The following MED12 variants were observed in gnomAD, a reference collection of about 807,000 sequenced individuals.
The protein encoded by MED12 is mediator of RNA polymerase II transcription subunit 12.
In MED12, 10 loss-of-function variants were observed where a neutral mutation model predicts 177.7. The ratio of observed to expected loss-of-function variants is 0.06; its 90% CI spans 0.03 to 0.10. The LOEUF is 0.10. Ranked by LOEUF, MED12 falls within the 10% of genes least tolerant of loss-of-function variation. The probability of loss-of-function intolerance (pLI) is 1.00; values close to 1 mark genes in which losing one functional copy is unlikely to be tolerated. For synonymous variants in MED12, 641 were observed against 678.4 expected (o/e 0.94, Z 0.86); for missense variants, 867 against 1,780.8 (o/e 0.49, Z 9.23).
At chrX:71,124,884 G>C (rs1205797244) in intron 14 of MED12, 40 bp downstream of exon 14, 2 of 1,187,798 alleles carry the variant, frequency 1.7e-6, no homozygotes, top group Non-Finnish European at 2.3e-6. Context: ...TGGATCCTTG[G>C]ATCTTCCCAT....
At chrX:71,142,046 C>G in intron 44 of MED12, 82 bp downstream of exon 44, 2 of 1,119,556 alleles carry the variant, frequency 1.8e-6, no homozygotes, top group Non-Finnish European at 2.5e-6. Context: ...GAAACGATAG[C>G]TTCAGGCCCA....
At chrX:71,134,593 C>G (rs2092327470) in intron 34 of MED12, 120 bp from the exon 35 acceptor site, 1 of 1,039,598 alleles carries the variant, frequency 9.6e-7, no homozygotes, top group African/African-American at 1.9e-5. Context: ...GCTCCCCATA[C>G]AGTTTTGGTG....
intron 19 of MED12, 30 bp from the exon 20 acceptor site, chrX:71,126,939 T>C: frequency 8.3e-7 from 1 of 1,202,526 alleles, no homozygotes; most frequent in Non-Finnish European, 1.1e-6. Context: ...GGGGCCTCTT[T>C]GCATTTCTCA....
intron 29 of MED12, 109 bp downstream of exon 29, chrX:71,131,730 G>A: frequency 1.3e-6 from 1 of 762,379 alleles, no homozygotes; most frequent in South Asian, 2.2e-5. Flanking sequence ...CTCTTGAGCT[G>A]AGAGATAAGA....
chrX:71,129,921 A>G lies in MED12; in HGVS notation c.3867+66A>G, dbSNP rs1240545734. ...TGTAATATAGTTCTGTTTCCAGCCCATGATCACACCAGCTCCCTACTATAC... is the reference window on the plus strand; with the variant it reads ...TGTAATATAGTTCTGTTTCCAGCCCGTGATCACACCAGCTCCCTACTATAC... On this transcript the variant is annotated intron_variant, in intron 27 of 44. Coordinates refer to ENST00000374080, the MANE Select transcript of MED12 (RefSeq NM_005120.3). 9.3e-6 allele frequency: 11 copies of G among 1,184,775 alleles called. No homozygotes were observed. The Admixed American group carries it at 1.3e-4, about 14-fold the overall frequency.
At chrX:71,135,948 C>T (rs1317636129) in intron 36 of MED12, among the ~76,000 whole-genome samples, 1 of 109,021 alleles carries the variant, frequency 9.2e-6, no homozygotes, top group East Asian at 2.9e-4. Context: ...ATGTCAATCC[C>T]TCTCCCTCCC....
chrX:71,118,686 C>A lies in MED12; in HGVS notation c.-69C>A. On this transcript the variant is annotated 5_prime_UTR_variant, in exon 1 of 45. Transcript: ENST00000374080. Reference sequence around the variant, plus strand: ...AACCACCGCCCCCCTTTTCGGCTCCCTCTCCCCCTTCCCGTTCCCCCAGTC... The same window carrying A: ...AACCACCGCCCCCCTTTTCGGCTCCATCTCCCCCTTCCCGTTCCCCCAGTC... 2 of 1,062,433 alleles carry A rather than the reference C, an allele frequency of 1.9e-6. No individual in the cohort carries two copies. The highest frequency in any genetic ancestry group is 2.6e-6 in the Non-Finnish European group (2 of 776,118). 87.6% of individuals were successfully genotyped at this position (1,062,433 alleles called of 1,213,427 possible).
intron 39 of MED12, 56 bp downstream of exon 39, chrX:71,137,439 G>T (rs766242389): frequency 1.2e-5 from 14 of 1,178,467 alleles, no homozygotes; most frequent in Non-Finnish European, 1.5e-5. Context: ...GGCTTTTGAG[G>T]GTCACAGGAC....
chrX:71,123,136 A>G lies in MED12; in HGVS notation c.1527A>G (p.Glu509=). 1 of 1,211,087 alleles carries G rather than the reference A, an allele frequency of 8.3e-7. No individual in the cohort carries two copies. Among genetic ancestry groups the G allele is most frequent in the African/African-American group, 1.7e-5 (1 of 57,705 alleles). ...DDDAVVSLLC[E]WAVSCKRSGR... is the part of the protein sequence containing the mutation. ...ATGCTGTGGTGTCATTGCTATGTGAATGGGCTGTCAGCTGCAAGCGTTCTG... is the reference window on the plus strand; with the variant it reads ...ATGCTGTGGTGTCATTGCTATGTGAGTGGGCTGTCAGCTGCAAGCGTTCTG... The change falls in exon 11 of 45, where the codon GAA becomes GAG. Residue 509 remains glutamate, a synonymous_variant. Coordinates refer to ENST00000374080, the MANE Select transcript of MED12 (RefSeq NM_005120.3).
intron 18 of MED12, 63 bp from the exon 19 acceptor site, chrX:71,126,278 C>G (rs1287281009): frequency 1.7e-6 from 2 of 1,193,028 alleles, no homozygotes; most frequent in East Asian, 5.9e-5. Flanking sequence ...CAGTGTCATC[C>G]TTTCCTCCTT....
At position 71,121,070 on chromosome X, in the gene MED12, C is replaced by T. The variant is rs369083173; in HGVS notation, c.653C>T (p.Thr218Met). The T allele has an allele frequency of 7.4e-5, 90 of 1,209,564 alleles. No homozygotes were observed. In the African/African-American group the frequency reaches 1.4e-3, roughly 19 times the overall value. ...GPAGSGGCGS[T>M]IGPLPHDVEV... ...GCAGGAAGTGGGGGCTGTGGTTCCA[C>T]GATAGGGCCCTTGCCCCATGATGTA... The change falls in exon 5 of 45, where the codon ACG becomes ATG. Residue 218 changes from threonine to methionine, a missense_variant. Around this residue, in one of 14 missense-constraint regions of MED12, gnomAD observed 309 missense variants for 556.3 expected, o/e 0.56. Transcript: ENST00000374080.
At chrX:71,138,250 C>T (rs1159807940) in intron 41 of MED12, among the ~76,000 whole-genome samples, 1 of 111,297 alleles carries the variant, frequency 9.0e-6, no homozygotes, top group African/African-American at 3.3e-5. Context: ...ACTTGGGGGC[C>T]CAAGGTGGGA....
chrX:71,127,068 G>A lies in MED12; in HGVS notation c.2785G>A (p.Val929Ile), dbSNP rs2147798209. 8.3e-7 allele frequency: 1 copy of A among 1,211,852 alleles called. No homozygotes were observed. Among genetic ancestry groups the A allele is most frequent in the Non-Finnish European group, 1.1e-6 (1 of 895,339 alleles). ...TTSLCLCIVA[V>I]LRHYHACLIL... ...TAGCCTGTGCCTGTGCATCGTGGCT[G>A]TCCTGCGGCACTATCATGCCTGCCT... Residue 929 changes from valine (V) to isoleucine (I), a missense_variant, in exon 20 of 45, where the codon GTC becomes ATC. By Grantham distance (29) the Val-to-Ile change is conservative. Around this residue, in one of 14 missense-constraint regions of MED12, gnomAD observed 70 missense variants for 143.6 expected, o/e 0.49. Coordinates refer to ENST00000374080, the MANE Select transcript of MED12 (RefSeq NM_005120.3).
chrX:71,136,130 G>A lies in MED12; in HGVS notation c.5026-151G>A, dbSNP rs189564978. The A allele has an allele frequency of 3.0e-3, 1,964 of 648,225 alleles. 5 individuals are homozygous for A. Among genetic ancestry groups the A allele is most frequent in the Non-Finnish European group, 4.3e-3 (1,746 of 405,956 alleles). The allele number at this position is 648,225 out of a possible 1,213,427, so 53.4% of individuals were successfully genotyped here. On this transcript the variant is annotated intron_variant, in intron 36 of 44. Transcript: ENST00000374080. ...CTCTCTCCCCGCATAACTCTCTTCC[G>A]CATGTATATGTGTATCCATGTCTGT...
chrX:71,139,095 A>G (rs925314129), intron 41 of MED12, among the ~76,000 whole-genome samples: 1 of 112,407 alleles, frequency 8.9e-6, no homozygotes, highest in Non-Finnish European at 1.9e-5. Flanking sequence ...AATCTTTACT[A>G]TAGCTGGGGA....
chrX:71,133,130 A>G lies in MED12; in HGVS notation c.4535A>G (p.Asn1512Ser), dbSNP rs753169363. ...SLYSQVHQIV[N>S]NWRDDQYLDD... ...TATTTGTTTCTATTCTAGATTGTGA[A>G]TAATTGGCGAGATGACCAGTACTTA... Residue 1512 changes from asparagine (N) to serine (S), a missense_variant, in exon 33 of 45, where the codon AAT becomes AGT. Coordinates refer to ENST00000374080, the MANE Select transcript of MED12 (RefSeq NM_005120.3). 2.5e-5 allele frequency: 30 copies of G among 1,191,685 alleles called. No individual in the cohort carries two copies. The highest frequency in any genetic ancestry group is 3.4e-5 in the Non-Finnish European group (30 of 878,749).
In MED12 at chrX:71,136,575, G is replaced by A. The variant is rs2092333107; in HGVS notation, c.5320G>A (p.Ala1774Thr). Reference protein sequence around the residue: ...PEPPKTDKPGAAPPSTEERKK... With the variant: ...PEPPKTDKPGTAPPSTEERKK... Reference sequence around the variant, plus strand: ...GCCCCCCAAAACTGACAAACCGGGGGCTGCTCCACCCAGTACTGAGGAACG... The same window carrying A: ...GCCCCCCAAAACTGACAAACCGGGGACTGCTCCACCCAGTACTGAGGAACG... Residue 1774 changes from alanine to threonine, a missense_variant, in exon 37 of 45, where the codon GCT becomes ACT. Ala to Thr is a moderately conservative substitution (Grantham distance 58). Coordinates refer to ENST00000374080, the MANE Select transcript of MED12 (RefSeq NM_005120.3). 2 of 1,201,922 alleles carry A rather than the reference G, an allele frequency of 1.7e-6. No homozygotes were observed. Among genetic ancestry groups the A allele is most frequent in the Middle Eastern group, 2.6e-4 (1 of 3,843 alleles).
rs765015556 is a variant in MED12, at chrX:71,137,552, C to G, written c.5749-6C>G. 2 of 1,207,461 alleles carry G rather than the reference C, an allele frequency of 1.7e-6. No individual in the cohort carries two copies. Among genetic ancestry groups the G allele is most frequent in the Non-Finnish European group, 2.2e-6 (2 of 892,457 alleles). Reference sequence around the variant, plus strand: ...GAGTTTGAGTTGTTCTCTTTTCTCCCTTTAGCAGAGTCAGGGCATGTTGGG... The same window carrying G: ...GAGTTTGAGTTGTTCTCTTTTCTCCGTTTAGCAGAGTCAGGGCATGTTGGG... On this transcript the variant is annotated splice_region_variant and splice_polypyrimidine_tract_variant and intron_variant, in intron 39 of 44. Coordinates refer to ENST00000374080, the MANE Select transcript of MED12 (RefSeq NM_005120.3).
rs2092307487 is a variant in MED12, at chrX:71,127,932, C to T, written c.3021C>T (p.Asn1007=). Residue 1007 remains asparagine, a synonymous_variant, in exon 22 of 45, where the codon AAC becomes AAT. Transcript: ENST00000374080. ...AGGTGAAGAACACCATCTACTGCAA[C>T]GTGGAGCCATCGGAATCAAATATGC... ...CSKVKNTIYC[N]VEPSESNMRW... 1 of 1,211,517 alleles carries T rather than the reference C, an allele frequency of 8.3e-7. No homozygotes were observed. Among genetic ancestry groups the T allele is most frequent in the East Asian group, 3.0e-5 (1 of 33,866 alleles).
Sources: allele counts gnomAD v4.1 joint callset (sites outside exome capture counted in the v4.1 genomes callset), GRCh38; gene constraint gnomAD v4.1.1; regional missense constraint gnomAD v4.1.1; transcripts MANE v1.5; gene names NCBI Gene and HGNC (gene_info 2026-07-23, HGNC 2026-07-21).